Variants in ARHGAP10 observed in about 807,000 individuals in gnomAD.
ARHGAP10 encodes Rho GTPase activating protein 10.
A neutral mutation model predicts 108.6 loss-of-function variants in ARHGAP10; 87 were observed. That is an observed-to-expected ratio of 0.80 (90% CI 0.67 to 0.96). The LOEUF (loss-of-function observed/expected upper bound fraction) is 0.96, where lower values mean the gene tolerates loss of function less well. Ranked by LOEUF, ARHGAP10 falls within the 40% of genes least tolerant of loss-of-function variation. The probability of loss-of-function intolerance (pLI) is 0.00; values close to 1 mark genes in which losing one functional copy is unlikely to be tolerated. For missense variants in ARHGAP10, 939 were observed against 954.5 expected, an observed-to-expected ratio of 0.98 and a Z score of 0.21; for synonymous variants, 347 against 341.1, an observed-to-expected ratio of 1.02 and a Z score of -0.19.
intron 1 of ARHGAP10, among the ~76,000 whole-genome samples, chr4:147,822,331 C>T (rs1579083757): frequency 6.6e-6 from 1 of 152,188 alleles, no homozygotes; most frequent in African/African-American, 2.4e-5. Context: ...CCATGGCAGG[C>T]AGCCAGATTG....
At position 147,741,767 on chromosome 4, in the gene ARHGAP10, T is replaced by TACACACAC. The variant is rs369661175; in HGVS notation, c.154+9329_154+9336dup. ...GCAGGCATCTTGATATCGTTCTCTT[T>TACACACAC]ACACACACACACACACACACACACG... On this transcript the variant is annotated intron_variant, in intron 1 of 22. Transcript: ENST00000336498. Among the ~76,000 whole-genome samples, 153 of 134,678 alleles carry TACACACAC rather than the reference T, an allele frequency of 1.1e-3. 4 individuals are homozygous for TACACACAC. In the East Asian group the frequency reaches 0.025, roughly 22 times the overall value. The allele number at this position is 134,678 out of a possible 152,430, so 88.4% of individuals were successfully genotyped here.
chr4:147,874,684 T>G (rs1236623220), intron 7 of ARHGAP10, among the ~76,000 whole-genome samples: 5 of 152,172 alleles, frequency 3.3e-5, no homozygotes, highest in Non-Finnish European at 7.4e-5. Context: ...AAAACCTAAC[T>G]TATGTTTTAA....
chr4:147,732,595 T>G (rs983599366), intron 1 of ARHGAP10, 140 bp downstream of exon 1: 111 of 1,218,188 alleles, frequency 9.1e-5, no homozygotes, highest in Non-Finnish European at 1.1e-4. Flanking sequence ...AGCCCAGCTC[T>G]CTCGGAACCC....
chr4:148,000,972 T>G (rs938855357), intron 18 of ARHGAP10, among the ~76,000 whole-genome samples: 3 of 152,204 alleles, frequency 2.0e-5, no homozygotes, highest in African/African-American at 7.2e-5. Context: ...TGCCATTGCT[T>G]TTGGTGTTTT....
chr4:147,958,458 T>G (rs1452356457), intron 16 of ARHGAP10, among the ~76,000 whole-genome samples: 2 of 152,222 alleles, frequency 1.3e-5, no homozygotes, highest in Non-Finnish European at 2.9e-5. Context: ...GAAACATAAC[T>G]ATAATCGGAT....
At chr4:147,877,712 A>T (rs924221748) in intron 8 of ARHGAP10, among the ~76,000 whole-genome samples, 6 of 151,812 alleles carry the variant, frequency 4.0e-5, no homozygotes, top group Non-Finnish European at 8.8e-5. Flanking sequence ...GTGAGCCCTG[A>T]TGGTGGTACT....
At chr4:148,069,339 G>A (rs190699510) in intron 22 of ARHGAP10, among the ~76,000 whole-genome samples, 129 of 152,196 alleles carry the variant, frequency 8.5e-4, no homozygotes, top group Non-Finnish European at 1.6e-3. Context: ...CCCCTTGGTC[G>A]CCTCTGTAAA....
At chr4:147,899,481 G>A (rs893033) in intron 10 of ARHGAP10, among the ~76,000 whole-genome samples, 118,609 of 152,018 alleles carry the variant, frequency 0.78, 48,863 homozygotes, top group Non-Finnish European at 0.92. Flanking sequence ...TAGGTTCTCC[G>A]TCTTGTTCTT....
intron 6 of ARHGAP10, chr4:147,865,901 A>G (rs1358721007): frequency 6.6e-6 from 1 of 152,212 alleles, no homozygotes; most frequent in Non-Finnish European, 1.5e-5. Flanking sequence ...GTCTCTGTTC[A>G]AGCCATTGTT....
intron 19 of ARHGAP10, among the ~76,000 whole-genome samples, chr4:148,024,507 G>A (rs1190238599): frequency 1.3e-5 from 2 of 152,134 alleles, no homozygotes; most frequent in Non-Finnish European, 2.9e-5. Flanking sequence ...CTGACTTAGA[G>A]GTATCTCTAG....
intron 21 of ARHGAP10, among the ~76,000 whole-genome samples, 190 bp from the exon 22 acceptor site, chr4:148,064,226 A>T (rs371245988): frequency 6.6e-6 from 1 of 152,104 alleles, no homozygotes; most frequent in African/African-American, 2.4e-5. Context: ...CTTGAATTGG[A>T]AACCCATCAT....
In ARHGAP10 at chr4:147,830,512, C is replaced by CTTTTT. The variant is rs56946602; in HGVS notation, c.312+7574_312+7578dup. On this transcript the variant is annotated intron_variant, in intron 3 of 22. Coordinates refer to ENST00000336498, the MANE Select transcript of ARHGAP10 (RefSeq NM_024605.4). Reference sequence around the variant, plus strand: ...TTTTAAATGGTCAAAACCACAATTCCTTTTTTTTTTTTTTTTTTTTTTTGA... The same window carrying CTTTTT: ...TTTTAAATGGTCAAAACCACAATTCCTTTTTTTTTTTTTTTTTTTTTTTTTTTTGA... Among the ~76,000 whole-genome samples, 541 of 102,088 alleles carry CTTTTT rather than the reference C, an allele frequency of 5.3e-3. 6 individuals are homozygous for CTTTTT. The highest frequency in any genetic ancestry group is 9.7e-3 in the African/African-American group (239 of 24,594). 67.0% of individuals were successfully genotyped at this position (102,088 alleles called of 152,430 possible). A position where few individuals can be genotyped will look rare whatever the true frequency, so the allele number is the denominator to read the frequency against.
chr4:147,823,469 T>G (rs1416566337), intron 3 of ARHGAP10, among the ~76,000 whole-genome samples: 1 of 152,050 alleles, frequency 6.6e-6, no homozygotes, highest in African/African-American at 2.4e-5. Context: ...TAAGAAGAAC[T>G]ACCCTTGGCC....
Position 147,874,365 on chromosome 4 carries a change from C to G in ARHGAP10, c.703-656C>G, listed in dbSNP as rs80184160. ...CTTGTATATATGTTTTCGGTGTAGC[C>G]GTTTGACAGATATTGGCACACCAAG... On this transcript the variant is annotated intron_variant, in intron 7 of 22. Transcript: ENST00000336498. Among the ~76,000 whole-genome samples the G allele has an allele frequency of 3.9e-3, 590 of 152,220 alleles. 9 individuals are homozygous for G. The highest frequency in any genetic ancestry group is 0.02 in the Admixed American group (303 of 15,288).
At chr4:147,765,624 A>C (rs1360119750) in intron 1 of ARHGAP10, among the ~76,000 whole-genome samples, 1 of 152,034 alleles carries the variant, frequency 6.6e-6, no homozygotes, top group Non-Finnish European at 1.5e-5. Context: ...ACATGGTCAA[A>C]GCCTGTCTTT....
At chr4:147,849,735 C>A (rs1271386720) in intron 4 of ARHGAP10, among the ~76,000 whole-genome samples, 1 of 152,182 alleles carries the variant, frequency 6.6e-6, no homozygotes. Flanking sequence ...TTCTAAGTGG[C>A]TAGGTGGTTT....
chr4:147,857,435 C>T, intron 4 of ARHGAP10, 118 bp from the exon 5 acceptor site: 1 of 1,010,228 alleles, frequency 9.9e-7, no homozygotes, highest in Non-Finnish European at 1.3e-6. Flanking sequence ...AGCTTTATCA[C>T]ATTCAGAGTG....
intron 18 of ARHGAP10, among the ~76,000 whole-genome samples, chr4:147,990,566 A>G (rs1740229811): frequency 6.6e-6 from 1 of 152,250 alleles, no homozygotes; most frequent in African/African-American, 2.4e-5. Context: ...GGTAGACCAG[A>G]TAAAGAAAAT....
intron 18 of ARHGAP10, among the ~76,000 whole-genome samples, chr4:148,021,585 C>G (rs1407618366): frequency 1.3e-5 from 2 of 151,870 alleles, no homozygotes; most frequent in Non-Finnish European, 2.9e-5. Flanking sequence ...TTTATTTTTC[C>G]AGTGGAGTCA....
Sources: gnomAD v4.1 joint callset for allele counts (sites outside exome capture counted in the v4.1 genomes callset) on GRCh38, gnomAD v4.1.1 for gene constraint, MANE v1.5 for transcripts, NCBI Gene and HGNC (gene_info 2026-07-23, HGNC 2026-07-21) for gene names.